Variants in ITIH5 observed in about 807,000 individuals in gnomAD.
ITIH5 encodes the protein inter-alpha-trypsin inhibitor heavy chain 5.
Under a neutral mutation model 77.5 loss-of-function variants are expected in ITIH5, and 65 were observed. The ratio of observed to expected loss-of-function variants is 0.84; its 90% confidence interval spans 0.69 to 1.03. The LOEUF is 1.03. ITIH5 is among the 50% of genes least tolerant of loss of function. The pLI is 0.00. For synonymous variants in ITIH5, 525 were observed against 494.3 expected, an observed-to-expected ratio of 1.06 and a Z score of -0.82; for missense variants, 1,208 against 1,213.1, an observed-to-expected ratio of 1.00 and a Z score of 0.06.
chr10:7,637,099 C>G, intron 5 of ITIH5, 129 bp downstream of exon 5: 1 of 1,161,000 alleles, frequency 8.6e-7, no homozygotes, highest in African/African-American at 1.5e-5. Context: ...TGCTATCATT[C>G]CAGTTCCTAC....
At chr10:7,565,988 T>C in intron 13 of ITIH5, 42 bp downstream of exon 13, 2 of 1,580,842 alleles carry the variant, frequency 1.3e-6, no homozygotes, top group Non-Finnish European at 1.7e-6. Context: ...GAAATGTAAC[T>C]CTGCCCTCTA....
intron 5 of ITIH5, among the ~76,000 whole-genome samples, chr10:7,632,826 C>A (rs1367434013): frequency 6.6e-6 from 1 of 152,130 alleles, no homozygotes; most frequent in East Asian, 1.9e-4. Context: ...GTAAGGTATT[C>A]TTTTTCTCAC....
chr10:7,634,511 A>G (rs867865138), intron 5 of ITIH5, among the ~76,000 whole-genome samples: 3 of 152,194 alleles, frequency 2.0e-5, no homozygotes, highest in Non-Finnish European at 4.4e-5. Flanking sequence ...CTAAGAAAAC[A>G]ATTTCCTTAA....
chr10:7,624,377 C>T (rs1248142369), intron 5 of ITIH5, among the ~76,000 whole-genome samples: 3 of 151,880 alleles, frequency 2.0e-5, no homozygotes, highest in Non-Finnish European at 4.4e-5. Flanking sequence ...CATGGTGGCG[C>T]ATGCCTGTAA....
intron 5 of ITIH5, among the ~76,000 whole-genome samples, chr10:7,622,742 T>C (rs1833494369): frequency 6.6e-6 from 1 of 152,200 alleles, no homozygotes; most frequent in African/African-American, 2.4e-5. Context: ...TTACAAAATA[T>C]AATGAAGTCA....
At chr10:7,608,243 G>A (rs61836597) in intron 7 of ITIH5, among the ~76,000 whole-genome samples, 9,659 of 152,230 alleles carry the variant, frequency 0.063, 404 homozygotes, top group Non-Finnish European at 0.09. Context: ...CAGGCTGCTC[G>A]GTGAATCTGA....
At chr10:7,624,529 A>G (rs1588408348) in intron 5 of ITIH5, among the ~76,000 whole-genome samples, 1 of 149,120 alleles carries the variant, frequency 6.7e-6, no homozygotes, top group African/African-American at 2.5e-5. Context: ...ACAAACATGC[A>G]TTATCAGGCC....
At chr10:7,583,677 T>C (rs1462059797) in intron 8 of ITIH5, among the ~76,000 whole-genome samples, 1 of 152,210 alleles carries the variant, frequency 6.6e-6, no homozygotes, top group Non-Finnish European at 1.5e-5. Context: ...TTAGTGCCCC[T>C]GGATGTGTGA....
intron 7 of ITIH5, among the ~76,000 whole-genome samples, chr10:7,599,612 C>T (rs1455389975): frequency 3.9e-5 from 6 of 152,160 alleles, no homozygotes; most frequent in Admixed American, 1.3e-4. Flanking sequence ...TAAGTTCTCA[C>T]GATTCCTCTC....
rs767633151 is a variant in ITIH5, at chr10:7,576,619, C to T, written c.1812G>A (p.Arg604=). Residue 604 remains arginine, a synonymous_variant, in exon 10 of 14, where the codon CGG becomes CGA. Transcript: ENST00000397146. Reference sequence around the variant, plus strand: ...GGTAGCTCACAGCCAGGGCCTGGGCCCGCTGCCGCAGCCGCTCCTTCTCCG... The same window carrying T: ...GGTAGCTCACAGCCAGGGCCTGGGCTCGCTGCCGCAGCCGCTCCTTCTCCG... ...DEPEKERLRQ[R]AQALAVSYRF... The T allele has an allele frequency of 6.2e-6, 10 of 1,614,112 alleles. No individual in the cohort carries two copies. Among genetic ancestry groups the T allele is most frequent in the Non-Finnish European group, 7.6e-6 (9 of 1,180,028 alleles).
Position 7,637,248 on chromosome 10 carries a change from C to G in ITIH5, c.632G>C (p.Arg211Thr), listed in dbSNP as rs762603415. ...CTCACCTTCCCCGCGCCCACTGCCC[C>G]TCTGCCTGCTGTTGTGAAGCGGCAG... ...EVLPLHNSRQ[R>T]GSGRGEDDSG... The change falls in exon 5 of 14, where the codon AGG becomes ACG. Residue 211 changes from arginine (R) to threonine (T), a missense_variant. Arg to Thr is a moderately conservative substitution (Grantham distance 71). Coordinates refer to ENST00000397146, the MANE Select transcript of ITIH5 (RefSeq NM_030569.7). 3.1e-6 allele frequency: 5 copies of G among 1,609,528 alleles called. No homozygotes were observed. The African/African-American group carries it at 6.7e-5, about 21-fold the overall frequency.
chr10:7,647,229 C>G (rs1159188812), intron 2 of ITIH5, among the ~76,000 whole-genome samples: 1 of 152,214 alleles, frequency 6.6e-6, no homozygotes, highest in African/African-American at 2.4e-5. Context: ...CTATGCCAGG[C>G]AGGCCACACT....
intron 7 of ITIH5, 26 bp from the exon 8 acceptor site, chr10:7,586,095 G>A: frequency 2.5e-6 from 4 of 1,599,198 alleles, no homozygotes; most frequent in African/African-American, 1.3e-5. Context: ...AGCAAAACCA[G>A]TCACAGCTGC....
intron 4 of ITIH5, among the ~76,000 whole-genome samples, chr10:7,639,432 T>C (rs1271574413): frequency 6.6e-6 from 1 of 152,246 alleles, no homozygotes; most frequent in Non-Finnish European, 1.5e-5. Flanking sequence ...TGGACCTTGG[T>C]TGCTTTTCTG....
chr10:7,661,028 C>A (rs191845688), intron 1 of ITIH5, among the ~76,000 whole-genome samples: 59 of 152,354 alleles, frequency 3.9e-4, no homozygotes, highest in Non-Finnish European at 7.8e-4. Flanking sequence ...CCTCCTAATG[C>A]TCCAGGCACT....
chr10:7,629,320 C>CAT (rs1833667513), intron 5 of ITIH5, among the ~76,000 whole-genome samples: 1 of 32,876 alleles, frequency 3.0e-5, no homozygotes, highest in African/African-American at 8.5e-5. Flanking sequence ...GTAGCGTGTG[C>CAT]CCATGTTGTA....
At chr10:7,627,087 A>G (rs10905204) in intron 5 of ITIH5, among the ~76,000 whole-genome samples, 66,034 of 151,974 alleles carry the variant, frequency 0.43, 15,452 homozygotes, top group Non-Finnish European at 0.53. Flanking sequence ...CAGCAAAGGC[A>G]GATCATGATG....
chr10:7,650,203 G>C (rs1231024181), intron 2 of ITIH5, among the ~76,000 whole-genome samples: 1 of 152,204 alleles, frequency 6.6e-6, no homozygotes, highest in Non-Finnish European at 1.5e-5. Flanking sequence ...AAATGGTTGG[G>C]ACGGCCTTTG....
At chr10:7,638,757 G>C (rs1588419631) in intron 4 of ITIH5, among the ~76,000 whole-genome samples, 2 of 152,168 alleles carry the variant, frequency 1.3e-5, no homozygotes, top group South Asian at 4.1e-4. Flanking sequence ...TTGCATCAAG[G>C]CTGAAAAGCA....
Sources: allele counts gnomAD v4.1 joint callset (sites outside exome capture counted in the v4.1 genomes callset), GRCh38; gene constraint gnomAD v4.1.1; transcripts MANE v1.5; gene names NCBI Gene and HGNC (gene_info 2026-07-23, HGNC 2026-07-21).